SLC9A9: variants seen among roughly 807,000 people sequenced by gnomAD.
The protein encoded by SLC9A9 is solute carrier family 9 member A9, also known as sodium/hydrogen exchanger 9.
Under a neutral mutation model 77.8 loss-of-function variants are expected in SLC9A9, and 62 were observed. The observed-to-expected ratio is 0.80, with a 90% CI of 0.65 to 0.98. The LOEUF (loss-of-function observed/expected upper bound fraction) is 0.98. SLC9A9 is among the 50% of genes least tolerant of loss of function. The pLI is 0.00. For missense variants in SLC9A9, 775 were observed against 774.9 expected, an observed-to-expected ratio of 1.00 and a Z score of 0.00; for synonymous variants, 320 against 283.5, an observed-to-expected ratio of 1.13 and a Z score of -1.29.
At chr3:143,835,399 A>C (rs2009543714) in intron 1 of SLC9A9, among the ~76,000 whole-genome samples, 1 of 152,236 alleles carries the variant, frequency 6.6e-6, no homozygotes, top group South Asian at 2.1e-4. Context: ...ATCTGGTTAA[A>C]AAACCCATGC....
At chr3:143,601,835 C>T (rs559764365) in intron 6 of SLC9A9, among the ~76,000 whole-genome samples, 108 of 152,192 alleles carry the variant, frequency 7.1e-4, no homozygotes, top group African/African-American at 2.5e-3. Flanking sequence ...TCACTGGTCT[C>T]GAGACACTCT....
chr3:143,778,894 A>G (rs914649044), intron 4 of SLC9A9, among the ~76,000 whole-genome samples: 4 of 152,216 alleles, frequency 2.6e-5, no homozygotes, highest in African/African-American at 9.6e-5. Context: ...GTTGACTTGC[A>G]TGCTCTGTGT....
rs1308379645 is a variant in SLC9A9, at chr3:143,795,097, T to C, written c.457-20A>G. The C allele has an allele frequency of 3.1e-6, 5 of 1,593,354 alleles. No homozygotes were observed. Among genetic ancestry groups the C allele is most frequent in the African/African-American group, 1.3e-5 (1 of 74,394 alleles). Reference sequence around the variant, plus strand: ...GTGTCTCTGGGGAGAAAAAAAGATATTTAATAGAGTACATCAGAATTTTTT... The same window carrying C: ...GTGTCTCTGGGGAGAAAAAAAGATACTTAATAGAGTACATCAGAATTTTTT... On this transcript the variant is annotated intron_variant, in intron 3 of 15. Coordinates refer to ENST00000316549, the MANE Select transcript of SLC9A9 (RefSeq NM_173653.4).
chr3:143,331,658 CTT>C (rs2031774545), intron 14 of SLC9A9, among the ~76,000 whole-genome samples: 1 of 152,172 alleles, frequency 6.6e-6, no homozygotes, highest in Admixed American at 6.5e-5. Flanking sequence ...GCGTTGGTTA[CTT>C]GCCGGGCACT....
chr3:143,844,403 T>C (rs537072192), intron 1 of SLC9A9, among the ~76,000 whole-genome samples: 1 of 152,202 alleles, frequency 6.6e-6, no homozygotes, highest in Non-Finnish European at 1.5e-5. Flanking sequence ...AAAGGAATAC[T>C]GGCAGAAAAG....
chr3:143,828,222 G>T (rs2009347728), intron 2 of SLC9A9, among the ~76,000 whole-genome samples: 1 of 152,122 alleles, frequency 6.6e-6, no homozygotes, highest in South Asian at 2.1e-4. Context: ...CAAACATTAA[G>T]CATCCAGGAC....
At position 143,832,276 on chromosome 3, in the gene SLC9A9, T is replaced by C. The variant is rs1009985081; in HGVS notation, c.176-55A>G. On this transcript the variant is annotated intron_variant, in intron 1 of 15. Transcript: ENST00000316549. ...GGAGGAAGGCAATCTAAAATGCCACTATTGGAAACCTATATGATTTGGAAC... is the reference window on the plus strand; with the variant it reads ...GGAGGAAGGCAATCTAAAATGCCACCATTGGAAACCTATATGATTTGGAAC... The C allele has an allele frequency of 2.7e-6, 4 of 1,462,088 alleles. No individual in the cohort carries two copies. The African/African-American group carries it at 5.6e-5, about 20-fold the overall frequency. 90.6% of individuals were successfully genotyped at this position (1,462,088 alleles called of 1,614,324 possible).
chr3:143,593,047 T>C (rs2037678829), intron 6 of SLC9A9, among the ~76,000 whole-genome samples: 1 of 152,030 alleles, frequency 6.6e-6, no homozygotes. Flanking sequence ...TTGTCTAAGA[T>C]GGGTTAAAAG....
At chr3:143,319,874 T>C (rs774042564) in intron 14 of SLC9A9, among the ~76,000 whole-genome samples, 1 of 152,226 alleles carries the variant, frequency 6.6e-6, no homozygotes, top group Non-Finnish European at 1.5e-5. Flanking sequence ...GGTAAACGCC[T>C]TCCCATTTTG....
chr3:143,312,588 CTTACCCTGCT>C (rs941424861), intron 14 of SLC9A9, among the ~76,000 whole-genome samples: 29 of 152,332 alleles, frequency 1.9e-4, no homozygotes, highest in Admixed American at 1.2e-3. Flanking sequence ...TAGCTGAAAA[CTTACCCTGCT>C]TTACACAGCT....
In SLC9A9 at chr3:143,266,875, T is replaced by G; in HGVS notation, c.1765A>C (p.Ile589Leu). ...ECIVNQDELAINYQEQASSPC... is the reference protein window; with the variant it reads ...ECIVNQDELALNYQEQASSPC... ...GAGGAGGCTTGCTCCTGGTAATTTATGGCTAGTTCATCCTGGTTTACAATG... is the reference window on the plus strand; with the variant it reads ...GAGGAGGCTTGCTCCTGGTAATTTAGGGCTAGTTCATCCTGGTTTACAATG... Residue 589 changes from isoleucine (I) to leucine (L), a missense_variant, in exon 16 of 16, where the codon ATA becomes CTA. Ile to Leu is a conservative substitution (Grantham distance 5). Coordinates refer to ENST00000316549, the MANE Select transcript of SLC9A9 (RefSeq NM_173653.4). 6.2e-7 allele frequency: 1 copy of G among 1,614,182 alleles called. No individual in the cohort carries two copies. Among genetic ancestry groups the G allele is most frequent in the Non-Finnish European group, 8.5e-7 (1 of 1,180,020 alleles).
At chr3:143,510,374 G>T (rs2036097118) in intron 9 of SLC9A9, among the ~76,000 whole-genome samples, 2 of 152,064 alleles carry the variant, frequency 1.3e-5, no homozygotes, top group African/African-American at 4.8e-5. Context: ...TAAAAGATTG[G>T]AAAATTAATA....
intron 11 of SLC9A9, among the ~76,000 whole-genome samples, chr3:143,491,738 T>C (rs1403804758): frequency 6.6e-6 from 1 of 152,230 alleles, no homozygotes. Context: ...CCTTATATTT[T>C]TCTCAAAGCA....
intron 2 of SLC9A9, among the ~76,000 whole-genome samples, chr3:143,831,418 A>C (rs574607355): frequency 6.6e-6 from 1 of 152,286 alleles, no homozygotes; most frequent in South Asian, 2.1e-4. Context: ...CAATTATGAA[A>C]CTATTTTTAA....
chr3:143,381,036 A>G (rs1335787260), intron 13 of SLC9A9, among the ~76,000 whole-genome samples: 1 of 152,148 alleles, frequency 6.6e-6, no homozygotes, highest in Non-Finnish European at 1.5e-5. Flanking sequence ...AAGGTGTAAA[A>G]TTTCCCTACA....
chr3:143,411,324 T>C (rs2034092949), intron 12 of SLC9A9, among the ~76,000 whole-genome samples: 3 of 152,188 alleles, frequency 2.0e-5, no homozygotes, highest in Admixed American at 1.3e-4. Context: ...ACCAAATATT[T>C]CTTTAGCTTG....
chr3:143,495,221 G>T, intron 10 of SLC9A9, 114 bp downstream of exon 10: 1 of 863,236 alleles, frequency 1.2e-6, no homozygotes, highest in Non-Finnish European at 1.9e-6. Flanking sequence ...CCTTGTGTCT[G>T]AGCCTTGCAG....
chr3:143,297,697 C>A (rs2030337084), intron 14 of SLC9A9, among the ~76,000 whole-genome samples: 1 of 152,154 alleles, frequency 6.6e-6, no homozygotes, highest in Admixed American at 6.6e-5. Flanking sequence ...TTATAGTTTT[C>A]AATGTATAAA....
chr3:143,516,114 C>T (rs72991990), intron 9 of SLC9A9, among the ~76,000 whole-genome samples: 3,090 of 152,204 alleles, frequency 0.02, 101 homozygotes, highest in African/African-American at 0.069. Context: ...CAGTTATACA[C>T]TTCTAGGAAA....
Sources: gnomAD v4.1 joint callset for allele counts (sites outside exome capture counted in the v4.1 genomes callset) on GRCh38, gnomAD v4.1.1 for gene constraint, MANE v1.5 for transcripts, NCBI Gene and HGNC (gene_info 2026-07-23, HGNC 2026-07-21) for gene names.